Variants in SWAP70 observed in about 807,000 individuals in gnomAD.
SWAP70 encodes switch-associated protein 70.
A neutral mutation model predicts 80.2 loss-of-function variants in SWAP70; 34 were observed. The observed-to-expected ratio is 0.42, with a 90% CI of 0.32 to 0.56. The LOEUF is 0.56. Among genes scored for constraint, SWAP70 ranks in the 20% least tolerant of loss-of-function variants. The pLI is 0.09. For missense variants in SWAP70, 578 were observed against 690.7 expected, an observed-to-expected ratio of 0.84 and a Z score of 1.83; for synonymous variants, 239 against 238.5, an observed-to-expected ratio of 1.00 and a Z score of -0.02.
Position 9,721,295 on chromosome 11 carries a change from A to G in SWAP70, c.415-3363A>G, listed in dbSNP as rs143496347. ...TCTGATAAGTTTAACAGTAGATGAC[A>G]TATCTCCAACAAGAGAAAGAAAAGA... On this transcript the variant is annotated intron_variant, in intron 3 of 11. Coordinates refer to ENST00000318950, the MANE Select transcript of SWAP70 (RefSeq NM_015055.4). 1.1e-4 allele frequency among the ~76,000 whole-genome samples: 16 copies of G among 152,244 alleles called. No homozygotes were observed. The East Asian group carries it at 1.5e-3, about 15-fold the overall frequency.
intron 1 of SWAP70, among the ~76,000 whole-genome samples, chr11:9,668,393 G>A (rs1423266494): frequency 4.6e-5 from 7 of 152,204 alleles, no homozygotes; most frequent in Non-Finnish European, 8.8e-5. Context: ...CTGTGCAATT[G>A]TATTTTGTCT....
At chr11:9,667,232 C>G (rs1359597376) in intron 1 of SWAP70, among the ~76,000 whole-genome samples, 3 of 146,580 alleles carry the variant, frequency 2.0e-5, no homozygotes, top group Non-Finnish European at 3.0e-5. Context: ...TTTCACACTT[C>G]TGTGTGTGTG....
At chr11:9,691,118 A>G (rs961470438) in intron 1 of SWAP70, among the ~76,000 whole-genome samples, 3 of 152,102 alleles carry the variant, frequency 2.0e-5, no homozygotes, top group Admixed American at 2.0e-4. Flanking sequence ...GGGTTTTGCC[A>G]TGTTGTCCAG....
chr11:9,717,369 C>G (rs562404409), intron 3 of SWAP70, among the ~76,000 whole-genome samples: 2 of 152,152 alleles, frequency 1.3e-5, no homozygotes, highest in African/African-American at 2.4e-5. Flanking sequence ...TGTGCTGGCT[C>G]AAGCCTATAA....
chr11:9,666,090 T>G (rs1430407865), intron 1 of SWAP70, among the ~76,000 whole-genome samples: 2 of 144,144 alleles, frequency 1.4e-5, no homozygotes, highest in African/African-American at 5.2e-5. Flanking sequence ...TAGTTTTTTG[T>G]TTTTTTTTTT....
At chr11:9,707,326 C>G (rs1850928106) in intron 2 of SWAP70, among the ~76,000 whole-genome samples, 1 of 152,060 alleles carries the variant, frequency 6.6e-6, no homozygotes, top group Non-Finnish European at 1.5e-5. Flanking sequence ...CCTTTTCCCC[C>G]TGGCCCTGGC....
chr11:9,683,712 A>G (rs185081559), intron 1 of SWAP70, among the ~76,000 whole-genome samples: 13 of 152,330 alleles, frequency 8.5e-5, no homozygotes, highest in Admixed American at 1.3e-4. Flanking sequence ...ATTGCCCCTT[A>G]TGGGACTCCC....
intron 2 of SWAP70, among the ~76,000 whole-genome samples, chr11:9,695,068 C>G (rs1194398964): frequency 6.6e-6 from 1 of 152,120 alleles, no homozygotes; most frequent in East Asian, 1.9e-4. Flanking sequence ...GCGGGCAGAT[C>G]ACCTGAGGTC....
intron 1 of SWAP70, among the ~76,000 whole-genome samples, chr11:9,691,461 A>G (rs555357575): frequency 2.6e-5 from 4 of 152,352 alleles, no homozygotes; most frequent in Non-Finnish European, 5.9e-5. Context: ...AAAGATGGTT[A>G]AGAAAATTAT....
chr11:9,732,512 TCC>T lies in SWAP70; in HGVS notation c.899-16_899-15del. 6.3e-7 allele frequency: 1 copy of T among 1,594,446 alleles called. No homozygotes were observed. Among genetic ancestry groups the T allele is most frequent in the Admixed American group, 1.7e-5 (1 of 58,124 alleles). ...TAATATCTCCCCATTTTTTTTTTCC[TCC>T]TACACCTTTTACAGCCATTCATTCT... On this transcript the variant is annotated splice_polypyrimidine_tract_variant and intron_variant, in intron 6 of 11. Coordinates refer to ENST00000318950, the MANE Select transcript of SWAP70 (RefSeq NM_015055.4).
intron 3 of SWAP70, among the ~76,000 whole-genome samples, chr11:9,721,787 C>G (rs894119266): frequency 4.6e-5 from 7 of 151,954 alleles, no homozygotes; most frequent in Non-Finnish European, 8.8e-5. Flanking sequence ...ATTTTTTGAA[C>G]TTGTGATATT....
At chr11:9,731,250 A>G (rs905294095) in intron 6 of SWAP70, among the ~76,000 whole-genome samples, 2 of 152,194 alleles carry the variant, frequency 1.3e-5, no homozygotes, top group Non-Finnish European at 2.9e-5. Flanking sequence ...ATATTCTTAG[A>G]CGTAGATAAA....
chr11:9,700,104 T>G (rs1850813100), intron 2 of SWAP70, among the ~76,000 whole-genome samples: 1 of 152,184 alleles, frequency 6.6e-6, no homozygotes, highest in South Asian at 2.1e-4. Context: ...TTCTTTAAAC[T>G]TACTGAATTT....
At chr11:9,671,544 A>T (rs1380026595) in intron 1 of SWAP70, among the ~76,000 whole-genome samples, 5 of 84,234 alleles carry the variant, frequency 5.9e-5, no homozygotes, top group Non-Finnish European at 1.1e-4. Context: ...ATATAGAAAT[A>T]TATAGAAATA....
intron 2 of SWAP70, among the ~76,000 whole-genome samples, chr11:9,701,764 G>A (rs536244503): frequency 7.7e-6 from 1 of 130,652 alleles, no homozygotes; most frequent in South Asian, 2.5e-4. Flanking sequence ...ATTGAAGAAA[G>A]TGGTATATTA....
chr11:9,664,463 C>T (rs1348851195), intron 1 of SWAP70, among the ~76,000 whole-genome samples, 185 bp downstream of exon 1: 3 of 152,222 alleles, frequency 2.0e-5, no homozygotes, highest in Non-Finnish European at 4.4e-5. Flanking sequence ...CTCCCCCTTG[C>T]CTTCGGGCCA....
intron 1 of SWAP70, among the ~76,000 whole-genome samples, chr11:9,681,524 A>C (rs1409634658): frequency 6.6e-6 from 1 of 152,204 alleles, no homozygotes; most frequent in Non-Finnish European, 1.5e-5. Flanking sequence ...TATTCTGATG[A>C]TGTAGGTTTA....
chr11:9,747,741 A>G, intron 9 of SWAP70, 117 bp from the exon 10 acceptor site: 1 of 958,150 alleles, frequency 1.0e-6, no homozygotes, highest in Non-Finnish European at 1.7e-6. Context: ...TCCTGGTGGA[A>G]TGAAAGGGGG....
In SWAP70 at chr11:9,747,807, A is replaced by G. The variant is rs373383701; in HGVS notation, c.1356-51A>G. ...AAATGCTTCCCTCGTCTGCTGGGTC[A>G]GGGTGGTGACCTGGGCAGGATTTGA... On this transcript the variant is annotated intron_variant, in intron 9 of 11. Coordinates refer to ENST00000318950, the MANE Select transcript of SWAP70 (RefSeq NM_015055.4). 35 of 1,567,140 alleles carry G rather than the reference A, an allele frequency of 2.2e-5. No individual in the cohort carries two copies. In the African/African-American group the frequency reaches 4.5e-4, roughly 20 times the overall value.
Sources: gnomAD v4.1 joint callset for allele counts (sites outside exome capture counted in the v4.1 genomes callset) on GRCh38, gnomAD v4.1.1 for gene constraint, MANE v1.5 for transcripts, NCBI Gene and HGNC (gene_info 2026-07-23, HGNC 2026-07-21) for gene names.